The following MED15 variants were observed in gnomAD, a reference collection of about 807,000 sequenced individuals.
MED15 encodes the protein mediator of RNA polymerase II transcription subunit 15.
MED15 carries 41 observed loss-of-function variants against 118.7 expected under a neutral mutation model. The ratio of observed to expected loss-of-function variants is 0.35; its 90% confidence interval spans 0.27 to 0.45. MED15 has a LOEUF of 0.45. MED15 is among the 20% of genes least tolerant of loss of function. The pLI is 1.00. For synonymous variants in MED15, 436 were observed against 413.9 expected, an observed-to-expected ratio of 1.05 and a Z score of -0.65; for missense variants, 740 against 1,025.5, an observed-to-expected ratio of 0.72 and a Z score of 3.80.
At chr22:20,543,621 G>A (rs1335491402) in intron 2 of MED15, among the ~76,000 whole-genome samples, 4 of 150,542 alleles carry the variant, frequency 2.7e-5, no homozygotes, top group African/African-American at 7.4e-5. Flanking sequence ...GCAGTAGCGC[G>A]ATCTCGGCTC....
intron 5 of MED15, among the ~76,000 whole-genome samples, chr22:20,563,861 T>G (rs1397086093): frequency 6.6e-6 from 1 of 152,214 alleles, no homozygotes; most frequent in Non-Finnish European, 1.5e-5. Context: ...CAGCACAATT[T>G]TAGAACATTT....
chr22:20,536,969 A>G (rs907436157), intron 1 of MED15, 148 bp from the exon 2 acceptor site: 21 of 612,038 alleles, frequency 3.4e-5, no homozygotes, highest in African/African-American at 3.4e-4. Context: ...CCCTTCCCAT[A>G]TGCCTCTCCT....
Position 20,575,247 on chromosome 22 carries a change from G to C in MED15, c.1272+15G>C, listed in dbSNP as rs1054189913. On this transcript the variant is annotated intron_variant, in intron 9 of 17. Transcript: ENST00000263205. ...CCATGGCACAGGTATTTACGGGGCA[G>C]CGCCCAGGGCACGGCTGGGAGCTCG... 6.2e-7 allele frequency: 1 copy of C among 1,612,122 alleles called. No homozygotes were observed. The highest frequency in any genetic ancestry group is 8.5e-7 in the Non-Finnish European group (1 of 1,179,732).
At chr22:20,531,764 C>G (rs2054872158) in intron 1 of MED15, among the ~76,000 whole-genome samples, 1 of 152,280 alleles carries the variant, frequency 6.6e-6, no homozygotes, top group Non-Finnish European at 1.5e-5. Context: ...TCTCTGCTCT[C>G]AGGGTGTTCT....
At chr22:20,524,650 C>T (rs2054569784) in intron 1 of MED15, among the ~76,000 whole-genome samples, 1 of 152,188 alleles carries the variant, frequency 6.6e-6, no homozygotes, top group Non-Finnish European at 1.5e-5. Flanking sequence ...GAGACGGAGT[C>T]TAGCTCTGTC....
chr22:20,557,585 C>T (rs2056068874), intron 5 of MED15, among the ~76,000 whole-genome samples: 1 of 151,776 alleles, frequency 6.6e-6, no homozygotes, highest in Non-Finnish European at 1.5e-5. Flanking sequence ...TTTTTTTAAT[C>T]ATGAGCTTAT....
intron 2 of MED15, chr22:20,551,154 C>G: frequency 1.6e-6 from 1 of 615,240 alleles, no homozygotes. Context: ...CAAGATGGCT[C>G]CCAGCTCTCT....
chr22:20,509,056 A>G (rs1047379192), intron 1 of MED15, among the ~76,000 whole-genome samples: 1 of 152,096 alleles, frequency 6.6e-6, no homozygotes. Context: ...GACAAGTAGG[A>G]GTGTGAATAG....
chr22:20,528,730 G>A (rs2054747343), intron 1 of MED15, among the ~76,000 whole-genome samples: 1 of 152,212 alleles, frequency 6.6e-6, no homozygotes, highest in Non-Finnish European at 1.5e-5. Context: ...GGTCTCGGCA[G>A]TTAGCGTGCA....
At chr22:20,523,951 G>A (rs2054546339) in intron 1 of MED15, 13 of 565,090 alleles carry the variant, frequency 2.3e-5, no homozygotes, top group Non-Finnish European at 2.7e-5. Flanking sequence ...GGTGTACAGT[G>A]TTTGAAGTCT....
chr22:20,525,351 C>T (rs1801334241), intron 1 of MED15, among the ~76,000 whole-genome samples: 1 of 151,410 alleles, frequency 6.6e-6, no homozygotes, highest in African/African-American at 2.4e-5. Flanking sequence ...TGCCCTGTCC[C>T]ACAGGCGTGG....
chr22:20,511,107 A>G (rs984342085), intron 1 of MED15, among the ~76,000 whole-genome samples: 5 of 152,312 alleles, frequency 3.3e-5, no homozygotes, highest in African/African-American at 1.2e-4. Context: ...AGAATTCTAG[A>G]CATACCTTTA....
intron 2 of MED15, among the ~76,000 whole-genome samples, chr22:20,540,569 G>A (rs1024699414): frequency 2.0e-5 from 3 of 152,014 alleles, no homozygotes; most frequent in African/African-American, 7.3e-5. Flanking sequence ...GTGAGACTCT[G>A]TCTCTAAAAA....
chr22:20,574,084 C>G (rs1446463861), intron 8 of MED15: 1 of 152,280 alleles, frequency 6.6e-6, no homozygotes, highest in African/African-American at 2.4e-5. Flanking sequence ...TGCTGGAGCT[C>G]TGTTACTGGC....
At chr22:20,513,375 G>A (rs1005999739) in intron 1 of MED15, among the ~76,000 whole-genome samples, 1 of 151,716 alleles carries the variant, frequency 6.6e-6, no homozygotes. Context: ...TGCCTCCCGG[G>A]TTCAAGCAGT....
At chr22:20,543,644 A>G (rs1601534536) in intron 2 of MED15, among the ~76,000 whole-genome samples, 1 of 141,818 alleles carries the variant, frequency 7.1e-6, no homozygotes, top group African/African-American at 2.6e-5. Flanking sequence ...TGCAACCCCC[A>G]CCTCCCAGGT....
intron 1 of MED15, among the ~76,000 whole-genome samples, chr22:20,533,674 GC>G (rs1309885070): frequency 1.5e-4 from 23 of 152,156 alleles, no homozygotes; most frequent in African/African-American, 5.3e-4. Context: ...CCTGGTGTTG[GC>G]CTGTCAAGAC....
intron 5 of MED15, among the ~76,000 whole-genome samples, chr22:20,560,453 C>T (rs1253221844): frequency 6.6e-6 from 1 of 152,214 alleles, no homozygotes; most frequent in East Asian, 1.9e-4. Context: ...TTAGTAGAGA[C>T]GGGGTTTCAC....
intron 5 of MED15, among the ~76,000 whole-genome samples, chr22:20,561,547 A>G (rs1021803482): frequency 2.6e-5 from 4 of 152,086 alleles, no homozygotes; most frequent in Non-Finnish European, 5.9e-5. Context: ...AAAGACAAAT[A>G]TTAATAGAAA....
Sources: allele counts gnomAD v4.1 joint callset (sites outside exome capture counted in the v4.1 genomes callset), GRCh38; gene constraint gnomAD v4.1.1; transcripts MANE v1.5; gene names NCBI Gene and HGNC (gene_info 2026-07-23, HGNC 2026-07-21).